The following KAZN variants were observed in gnomAD, a reference collection of about 807,000 sequenced individuals.
The protein encoded by KAZN is kazrin.
A neutral mutation model predicts 87.4 loss-of-function variants in KAZN; 40 were observed. That is an observed-to-expected ratio of 0.46 (90% confidence interval 0.36 to 0.60). The LOEUF (loss-of-function observed/expected upper bound fraction) is 0.60. Ranked by LOEUF, KAZN falls within the 20% of genes least tolerant of loss-of-function variation. The probability of loss-of-function intolerance (pLI) is 0.00; values close to 1 mark genes in which losing one functional copy is unlikely to be tolerated. For missense variants in KAZN, 898 were observed against 1,073.9 expected, an observed-to-expected ratio of 0.84 and a Z score of 2.29; for synonymous variants, 466 against 458.3, an observed-to-expected ratio of 1.02 and a Z score of -0.22.
chr1:14,527,434 G>A (rs534940605), intron 2 of KAZN, among the ~76,000 whole-genome samples: 155 of 151,618 alleles, frequency 1.0e-3, no homozygotes, highest in Non-Finnish European at 1.9e-3. Flanking sequence ...CTGTAATCCC[G>A]ACTACTTGGG....
chr1:14,541,673 C>T (rs758628705), intron 2 of KAZN, among the ~76,000 whole-genome samples: 5 of 152,216 alleles, frequency 3.3e-5, no homozygotes, highest in Non-Finnish European at 7.3e-5. Flanking sequence ...GGCAAAGCTT[C>T]GTTGCTATCT....
intron 2 of KAZN, among the ~76,000 whole-genome samples, chr1:14,308,784 C>CGTTAGCTAAGGTT (rs5741581): frequency 1.3e-5 from 2 of 151,958 alleles, no homozygotes; most frequent in African/African-American, 4.8e-5. Context: ...AGCATTCAGT[C>CGTTAGCTAAGGTT]ATCAGTATGG....
chr1:14,088,796 A>G (rs998855647), intron 1 of KAZN, among the ~76,000 whole-genome samples: 4 of 151,870 alleles, frequency 2.6e-5, no homozygotes, highest in African/African-American at 9.7e-5. Flanking sequence ...ATTGTTTCAT[A>G]TACTTTGATG....
chr1:14,130,384 C>G (rs1644967081), intron 1 of KAZN, among the ~76,000 whole-genome samples: 1 of 152,096 alleles, frequency 6.6e-6, no homozygotes, highest in African/African-American at 2.4e-5. Context: ...AAACAAGTGC[C>G]TGTTGGTATA....
intron 1 of KAZN, among the ~76,000 whole-genome samples, chr1:14,711,462 G>A (rs1005079933): frequency 6.6e-5 from 10 of 152,108 alleles, no homozygotes; most frequent in African/African-American, 2.2e-4. Flanking sequence ...GGCACGACAC[G>A]CAGGTTCTAG....
At chr1:14,510,334 C>T (rs143736250) in intron 2 of KAZN, among the ~76,000 whole-genome samples, 1,796 of 151,036 alleles carry the variant, frequency 0.012, 30 homozygotes, top group Non-Finnish European at 8.5e-3. Context: ...GCCGAGATGG[C>T]GCCATTGCAC....
intron 2 of KAZN, among the ~76,000 whole-genome samples, chr1:14,978,967 C>T (rs10927612): frequency 0.32 from 48,783 of 151,612 alleles, 8,251 homozygotes; most frequent in African/African-American, 0.42. Flanking sequence ...TGCAATGGCG[C>T]AATCTCGGCT....
At chr1:14,870,965 T>C (rs59864671) in intron 1 of KAZN, among the ~76,000 whole-genome samples, 201 of 152,322 alleles carry the variant, frequency 1.3e-3, no homozygotes, top group African/African-American at 4.6e-3. Flanking sequence ...CCCAGAAGGC[T>C]TGTCTGATAT....
At chr1:14,032,401 A>C (rs538174672) in intron 1 of KAZN, among the ~76,000 whole-genome samples, 2 of 152,316 alleles carry the variant, frequency 1.3e-5, no homozygotes, top group East Asian at 3.9e-4. Flanking sequence ...GCAGAGTTAG[A>C]GTTCCAATCC....
At chr1:14,527,912 A>C (rs1671977459) in intron 2 of KAZN, among the ~76,000 whole-genome samples, 1 of 152,138 alleles carries the variant, frequency 6.6e-6, no homozygotes, top group Admixed American at 6.6e-5. Context: ...AGATTTGGAG[A>C]GGACACATAT....
At chr1:15,035,645 C>T (rs980109166) in intron 3 of KAZN, among the ~76,000 whole-genome samples, 1 of 152,068 alleles carries the variant, frequency 6.6e-6, no homozygotes, top group African/African-American at 2.4e-5. Flanking sequence ...GACAAGAATT[C>T]GAGACCAGCC....
chr1:14,091,382 G>T (rs139389787), intron 1 of KAZN, among the ~76,000 whole-genome samples: 80 of 152,216 alleles, frequency 5.3e-4, no homozygotes, highest in African/African-American at 1.8e-3. Context: ...CTCCTCTGGT[G>T]CTTGTTGTTT....
intron 2 of KAZN, among the ~76,000 whole-genome samples, chr1:14,392,529 GTC>G (rs1662538060): frequency 1.3e-5 from 2 of 152,112 alleles, no homozygotes; most frequent in Admixed American, 1.3e-4. Context: ...CTGGCAGGGT[GTC>G]TCTGCCCTTC....
At chr1:14,304,523 C>T in intron 2 of KAZN, 2 of 397,716 alleles carry the variant, frequency 5.0e-6, no homozygotes, top group African/African-American at 4.1e-5. Context: ...GCTAAAATCA[C>T]ATTCCGTTCT....
chr1:14,271,636 A>G lies in KAZN; in HGVS notation c.249+91044A>G, dbSNP rs934761699. On this transcript the variant is annotated intron_variant, in intron 2 of 16. Coordinates refer to the KAZN transcript ENST00000636203. The stretch of plus-strand genomic sequence containing the variant: ...CTCTCATCTTTTTATCTACTTACAC[A>G]TGGTCCAACAAAGCAACTAATCCCT... Among the ~76,000 whole-genome samples the G allele has an allele frequency of 4.6e-5, 7 of 152,150 alleles. No individual in the cohort carries two copies. In the South Asian group the frequency reaches 1.5e-3, roughly 32 times the overall value.
At chr1:14,146,553 AAAAAG>A (rs1428433674) in intron 1 of KAZN, among the ~76,000 whole-genome samples, 11 of 145,142 alleles carry the variant, frequency 7.6e-5, no homozygotes, top group African/African-American at 3.0e-4. Flanking sequence ...AAAAAAAAAA[AAAAAG>A]AAAAGAAAAG....
At position 14,682,343 on chromosome 1, in the gene KAZN, A is replaced by G. The variant is rs980471804; in HGVS notation, c.226+83120A>G. ...TGCTCGGTTGCTCAGGGTGGAGTGC[A>G]GTGGCATAATCATGACACATTGCAG... On this transcript the variant is annotated intron_variant, in intron 1 of 14. Coordinates refer to ENST00000376030, the MANE Select transcript of KAZN (RefSeq NM_201628.3). Among the ~76,000 whole-genome samples the G allele has an allele frequency of 3.1e-4, 46 of 150,048 alleles. No homozygotes were observed. In the Middle Eastern group the frequency reaches 0.01, roughly 34 times the overall value.
chr1:14,532,295 G>T (rs74057811), intron 2 of KAZN, among the ~76,000 whole-genome samples: 58 of 152,022 alleles, frequency 3.8e-4, no homozygotes, highest in African/African-American at 1.4e-3. Flanking sequence ...CCCCAGACCC[G>T]CCCTCACTCG....
intron 2 of KAZN, among the ~76,000 whole-genome samples, chr1:14,581,126 C>T (rs1303700843): frequency 1.3e-5 from 2 of 152,094 alleles, no homozygotes; most frequent in African/African-American, 4.8e-5. Context: ...CCAGCTCAAA[C>T]CCCTCCCCTG....
Sources: gnomAD v4.1 joint callset for allele counts (sites outside exome capture counted in the v4.1 genomes callset) on GRCh38, gnomAD v4.1.1 for gene constraint, MANE v1.5 for transcripts, NCBI Gene and HGNC (gene_info 2026-07-23, HGNC 2026-07-21) for gene names.